The following SYNE2 variants were observed in gnomAD, a reference collection of about 807,000 sequenced individuals.
SYNE2 encodes the protein nesprin-2.
In SYNE2, 431 loss-of-function variants were observed where a neutral mutation model predicts 856.3. The observed-to-expected ratio is 0.50, with a 90% CI of 0.47 to 0.55. SYNE2 has a LOEUF of 0.55. Among genes scored for constraint, SYNE2 ranks in the 20% least tolerant of loss-of-function variants. The pLI, the probability that SYNE2 is intolerant of heterozygous loss-of-function variation, is 0.00. For missense variants in SYNE2, 8,129 were observed against 8,023.2 expected (o/e 1.01, Z -0.50); for synonymous variants, 2,923 against 2,872.3 (o/e 1.02, Z -0.56).
intron 8 of SYNE2, 70 bp from the exon 9 acceptor site, chr14:63,961,455 A>G (rs1319067947): frequency 4.6e-6 from 6 of 1,303,706 alleles, no homozygotes; most frequent in Admixed American, 1.9e-5. Flanking sequence ...AGGCTATGGC[A>G]TAGCCCATTC....
chr14:64,123,099 CA>C (rs763912787), intron 70 of SYNE2, among the ~76,000 whole-genome samples: 1,557 of 117,108 alleles, frequency 0.013, 18 homozygotes, highest in Admixed American at 0.013. Context: ...AACTGCGTCT[CA>C]AAAAAAAAAA....
At chr14:63,813,135 A>C (rs1888681705) in intron 1 of SYNE2, among the ~76,000 whole-genome samples, 1 of 152,184 alleles carries the variant, frequency 6.6e-6, no homozygotes, top group Non-Finnish European at 1.5e-5. Flanking sequence ...AAATTTTTAG[A>C]GTTTCAACAA....
chr14:64,093,504 G>C (rs375229797), intron 61 of SYNE2, 24 bp downstream of exon 61: 11 of 1,613,972 alleles, frequency 6.8e-6, no homozygotes, highest in African/African-American at 1.3e-5. Flanking sequence ...ATTCATAAAG[G>C]TATGTTTCAT....
chr14:63,993,699 A>G, intron 21 of SYNE2, 136 bp from the exon 22 acceptor site: 1 of 751,954 alleles, frequency 1.3e-6, no homozygotes, highest in Non-Finnish European at 2.1e-6. Context: ...TCTCCTATAA[A>G]TCTTCAGATA....
At position 64,102,066 on chromosome 14, in the gene SYNE2, G is replaced by A. The variant is rs552849082; in HGVS notation, c.12492+24G>A. ...AGGTAATGCTGGGCGTATCAGCCAC[G>A]CTTAGGGGTTACGAGGGCCCAGGGG... On this transcript the variant is annotated intron_variant, in intron 64 of 115. Coordinates refer to ENST00000555002, the MANE Select transcript of SYNE2 (RefSeq NM_182914.3). 2.8e-5 allele frequency: 43 copies of A among 1,556,032 alleles called. No individual in the cohort carries two copies. In the South Asian group the frequency reaches 3.0e-4, roughly 11 times the overall value.
intron 85 of SYNE2, among the ~76,000 whole-genome samples, chr14:64,154,977 A>G (rs936227807): frequency 1.3e-5 from 2 of 152,224 alleles, no homozygotes; most frequent in African/African-American, 4.8e-5. Context: ...AAAGACAGAC[A>G]GTAACAAGTG....
rs1460882691 is a variant in SYNE2 at position 64,024,459 on chromosome 14, G to A, written c.5840G>A (p.Arg1947Lys). 6.2e-7 allele frequency: 1 copy of A among 1,613,272 alleles called. No homozygotes were observed. The highest frequency in any genetic ancestry group is 1.3e-5 in the African/African-American group (1 of 74,858). The change falls in exon 39 of 116, where the codon AGA (arginine) becomes AAA (lysine). Residue 1947 changes from arginine to lysine, a missense_variant and splice_region_variant. Physicochemically the swap from Arg to Lys is conservative, Grantham distance 26. Around this residue, in one of 3 missense-constraint regions of SYNE2, gnomAD observed 2,422 missense variants for 2,357.4 expected, o/e 1.03. Transcript: ENST00000555002. ...GAAGACTCCTTGCAGCAGCTACTGA[G>A]GTAGGAAATAAAGATGATATCTAAA... ...ELEDSLQQLL[R>K]LQDDHRNLRK...
intron 1 of SYNE2, among the ~76,000 whole-genome samples, chr14:63,835,813 G>A (rs1374716158): frequency 4.6e-5 from 7 of 151,796 alleles, no homozygotes; most frequent in Admixed American, 1.3e-4. Context: ...GAGAAACCCC[G>A]TCTCTACTAA....
At position 63,930,647 on chromosome 14, in the gene SYNE2, T is replaced by C. The variant is rs548074326; in HGVS notation, c.80-9967T>C. 2.6e-5 allele frequency among the ~76,000 whole-genome samples: 4 copies of C among 151,910 alleles called. No individual in the cohort carries two copies. The East Asian group carries it at 7.8e-4, about 30-fold the overall frequency. On this transcript the variant is annotated intron_variant, in intron 2 of 115. Coordinates refer to ENST00000555002, the MANE Select transcript of SYNE2 (RefSeq NM_182914.3). ...CCTCCCAAGTTCAAGTGATTCTCCT[T>C]CTTCAGCCTCCCAAGTAGCTGGGAT...
chr14:63,913,190 C>G (rs2095493810), intron 2 of SYNE2, among the ~76,000 whole-genome samples: 1 of 152,178 alleles, frequency 6.6e-6, no homozygotes, highest in African/African-American at 2.4e-5. Context: ...CTACCTCAGC[C>G]TCCCAAAGTG....
At chr14:63,912,707 A>G (rs1291145810) in intron 2 of SYNE2, among the ~76,000 whole-genome samples, 3 of 152,226 alleles carry the variant, frequency 2.0e-5, no homozygotes, top group African/African-American at 7.2e-5. Flanking sequence ...AACACACGCA[A>G]GAAAAGATTA....
intron 65 of SYNE2, among the ~76,000 whole-genome samples, chr14:64,110,596 C>T (rs909361765): frequency 2.1e-5 from 3 of 142,288 alleles, no homozygotes; most frequent in Non-Finnish European, 4.6e-5. Context: ...ACACCCCCCC[C>T]CCCCCGCCAA....
chr14:64,030,416 G>A (rs1234122069), intron 44 of SYNE2, among the ~76,000 whole-genome samples: 1 of 152,172 alleles, frequency 6.6e-6, no homozygotes, highest in Non-Finnish European at 1.5e-5. Context: ...TAGCCCATTA[G>A]GATAACGACT....
intron 1 of SYNE2, among the ~76,000 whole-genome samples, chr14:63,888,208 C>T (rs1595449033): frequency 1.3e-5 from 2 of 152,172 alleles, no homozygotes; most frequent in Non-Finnish European, 2.9e-5. Context: ...GGCCCAAACT[C>T]GGGCCTGCTA....
In SYNE2 at chr14:64,201,157, G is replaced by A. The variant is rs984392386; in HGVS notation, c.18039-1644G>A. 2.0e-5 allele frequency among the ~76,000 whole-genome samples: 3 copies of A among 152,166 alleles called. No individual in the cohort carries two copies. The East Asian group carries it at 5.8e-4, about 29-fold the overall frequency. ...TGCAGGGTGCAGAGCTCTTAGATGG[G>A]AGAATGGAACTTGGGCCCAGGTCTG... On this transcript the variant is annotated intron_variant, in intron 99 of 115. Coordinates refer to ENST00000555002, the MANE Select transcript of SYNE2 (RefSeq NM_182914.3).
chr14:64,176,798 T>A (rs1415160017), intron 95 of SYNE2, among the ~76,000 whole-genome samples: 2 of 151,642 alleles, frequency 1.3e-5, no homozygotes, highest in Non-Finnish European at 2.9e-5. Context: ...TTTATTTATT[T>A]ATTTATTTAT....
intron 22 of SYNE2, among the ~76,000 whole-genome samples, chr14:63,994,530 T>C (rs2096697042): frequency 6.6e-6 from 1 of 152,194 alleles, no homozygotes; most frequent in Non-Finnish European, 1.5e-5. Context: ...ACGCCCAGAT[T>C]CCTCTGTTAT....
chr14:64,197,818 A>G (rs1046662053), intron 99 of SYNE2, among the ~76,000 whole-genome samples: 7 of 152,188 alleles, frequency 4.6e-5, no homozygotes, highest in Admixed American at 1.3e-4. Context: ...GTTTGTTTGG[A>G]AGGAGAGCAG....
chr14:63,990,541 A>T lies in SYNE2; in HGVS notation c.2444A>T (p.Lys815Met), dbSNP rs1314237239. The change falls in exon 20 of 116, where the codon AAG (lysine) becomes ATG (methionine). Residue 815 changes from lysine (K) to methionine (M), a missense_variant. Lys to Met is a moderately conservative substitution (Grantham distance 95). This residue lies in a region of SYNE2 where 2,422 missense variants were observed against 2,357.4 expected (regional missense o/e 1.03). Transcript: ENST00000555002. ...GTTCTCACAACTGGGCTTCAGGCAA[A>T]GATTCAAGAAGCTAAAGAGAAAGTC... Reference protein sequence around the residue: ...QHVLTTGLQAKIQEAKEKVQI... With the variant: ...QHVLTTGLQAMIQEAKEKVQI... 1 of 1,613,902 alleles carries T rather than the reference A, an allele frequency of 6.2e-7. No homozygotes were observed. The highest frequency in any genetic ancestry group is 8.5e-7 in the Non-Finnish European group (1 of 1,179,970).
Sources: allele counts gnomAD v4.1 joint callset (sites outside exome capture counted in the v4.1 genomes callset), GRCh38; gene constraint gnomAD v4.1.1; regional missense constraint gnomAD v4.1.1; transcripts MANE v1.5; gene names NCBI Gene and HGNC (gene_info 2026-07-23, HGNC 2026-07-21).